The following MAP3K20 variants were observed in gnomAD, a reference collection of about 807,000 sequenced individuals.
MAP3K20 encodes mitogen-activated protein kinase kinase kinase 20, also known as HCCS-4.
In MAP3K20, 40 loss-of-function variants were observed where a neutral mutation model predicts 85.7. The ratio of observed to expected loss-of-function variants is 0.47; its 90% CI spans 0.36 to 0.61. MAP3K20 has a LOEUF of 0.61. Among genes scored for constraint, MAP3K20 ranks in the 20% least tolerant of loss-of-function variants. The probability of loss-of-function intolerance (pLI) is 0.00; values close to 1 mark genes in which losing one functional copy is unlikely to be tolerated. For missense variants in MAP3K20, 817 were observed against 961.7 expected, an observed-to-expected ratio of 0.85 and a Z score of 1.99; for synonymous variants, 325 against 327.7, an observed-to-expected ratio of 0.99 and a Z score of 0.09.
chr2:173,164,386 C>T (rs563148835), intron 2 of MAP3K20, among the ~76,000 whole-genome samples: 2 of 152,060 alleles, frequency 1.3e-5, no homozygotes, highest in African/African-American at 4.8e-5. Context: ...TGTTCTTTGC[C>T]TACTTTTTAA....
intron 11 of MAP3K20, chr2:173,226,135 TAAACACCAGCTAAGGTAGTC>T (rs1684381855): frequency 3.1e-6 from 3 of 974,608 alleles, no homozygotes; most frequent in Middle Eastern, 5.4e-4. Context: ...GTTAGACTTT[TAAACACCAGCTAAGGTAGTC>T]AAACTTGATC....
At chr2:173,091,270 G>A in intron 2 of MAP3K20, 80 bp downstream of exon 2, 1 of 1,470,548 alleles carries the variant, frequency 6.8e-7, no homozygotes. Flanking sequence ...GAGGGTCACA[G>A]GGCTGCAAGA....
At chr2:173,236,039 G>C (rs1684639989) in intron 14 of MAP3K20, among the ~76,000 whole-genome samples, 1 of 152,162 alleles carries the variant, frequency 6.6e-6, no homozygotes, top group African/African-American at 2.4e-5. Flanking sequence ...GTCAAGGTGG[G>C]CAACTCACTT....
intron 11 of MAP3K20, chr2:173,224,192 G>A: frequency 5.3e-6 from 5 of 951,990 alleles, no homozygotes; most frequent in Non-Finnish European, 6.3e-6. Context: ...GGTTTTTAAA[G>A]TGTGGTCAGG....
Position 173,217,109 on chromosome 2 carries a change from G to A in MAP3K20, c.852-6G>A, listed in dbSNP as rs754832335. On this transcript the variant is annotated splice_region_variant and splice_polypyrimidine_tract_variant and intron_variant, in intron 10 of 19. Coordinates refer to ENST00000375213, the MANE Select transcript of MAP3K20 (RefSeq NM_016653.3). Reference sequence around the variant, plus strand: ...GTTGAGACTTACACCAGCTATCCCCGTGCAGGTGCGAAATTGAGGCAACTC... The same window carrying A: ...GTTGAGACTTACACCAGCTATCCCCATGCAGGTGCGAAATTGAGGCAACTC... 24 of 1,545,654 alleles carry A rather than the reference G, an allele frequency of 1.6e-5. No homozygotes were observed. The highest frequency in any genetic ancestry group is 1.7e-5 in the Non-Finnish European group (20 of 1,144,248).
At chr2:173,221,736 T>C in intron 11 of MAP3K20, 1 of 1,276,904 alleles carries the variant, frequency 7.8e-7, no homozygotes, top group East Asian at 2.9e-5. Flanking sequence ...GCCAAAGAAG[T>C]ATATTTATGA....
chr2:173,078,491 G>A (rs1159862176), intron 1 of MAP3K20, among the ~76,000 whole-genome samples: 1 of 152,198 alleles, frequency 6.6e-6, no homozygotes, highest in African/African-American at 2.4e-5. Context: ...AGTTCCAGCT[G>A]TGACCAGAAA....
intron 16 of MAP3K20, among the ~76,000 whole-genome samples, chr2:173,250,658 A>T (rs1020731097): frequency 1.3e-5 from 2 of 152,226 alleles, no homozygotes; most frequent in African/African-American, 4.8e-5. Flanking sequence ...ATTATGTATG[A>T]TTCTTCATCA....
chr2:173,149,876 T>C (rs777006084), intron 2 of MAP3K20, among the ~76,000 whole-genome samples: 1 of 152,250 alleles, frequency 6.6e-6, no homozygotes, highest in Non-Finnish European at 1.5e-5. Context: ...TTGACTTCCA[T>C]ATTTGAATGG....
At chr2:173,133,560 CATT>C (rs1225091523) in intron 2 of MAP3K20, among the ~76,000 whole-genome samples, 1 of 152,012 alleles carries the variant, frequency 6.6e-6, no homozygotes, top group Non-Finnish European at 1.5e-5. Context: ...TGCTGTATAA[CATT>C]ATAGTATGTT....
chr2:173,238,058 G>A (rs1010503264), intron 14 of MAP3K20, among the ~76,000 whole-genome samples: 2 of 152,142 alleles, frequency 1.3e-5, no homozygotes, highest in Admixed American at 1.3e-4. Flanking sequence ...GGCTGAGATG[G>A]AAGAATCTCT....
At chr2:173,219,940 C>A (rs781526599) in intron 11 of MAP3K20, among the ~76,000 whole-genome samples, 33 of 151,830 alleles carry the variant, frequency 2.2e-4, no homozygotes, top group Non-Finnish European at 4.1e-4. Context: ...TGGTGGCGGG[C>A]GCCTGTAATC....
chr2:173,246,086 G>T (rs1684906136), intron 16 of MAP3K20, among the ~76,000 whole-genome samples: 1 of 152,108 alleles, frequency 6.6e-6, no homozygotes, highest in African/African-American at 2.4e-5. Context: ...TTTGCAAAGG[G>T]CATATTTGTG....
At chr2:173,172,827 T>C (rs1690038878) in intron 3 of MAP3K20, among the ~76,000 whole-genome samples, 1 of 150,928 alleles carries the variant, frequency 6.6e-6, no homozygotes, top group African/African-American at 2.4e-5. Flanking sequence ...TGAGACGGAG[T>C]CTTGCTGTGT....
At chr2:173,149,963 AGAT>A (rs775955698) in intron 2 of MAP3K20, among the ~76,000 whole-genome samples, 3 of 152,238 alleles carry the variant, frequency 2.0e-5, no homozygotes, top group Non-Finnish European at 2.9e-5. Flanking sequence ...GAGTGTATAG[AGAT>A]GATATGATGA....
At chr2:173,206,498 C>A (rs1202047407) in intron 9 of MAP3K20, among the ~76,000 whole-genome samples, 2 of 152,196 alleles carry the variant, frequency 1.3e-5, no homozygotes, top group African/African-American at 4.8e-5. Flanking sequence ...CCAACTCTCT[C>A]ACTGCTGATC....
intron 2 of MAP3K20, among the ~76,000 whole-genome samples, chr2:173,142,471 C>CAAA (rs546013989): frequency 1.0e-5 from 1 of 97,710 alleles, no homozygotes. Flanking sequence ...GACTCCGTCT[C>CAAA]AAAAAAAAAA....
At chr2:173,182,102 CATT>C (rs1690349020) in intron 3 of MAP3K20, among the ~76,000 whole-genome samples, 2 of 152,032 alleles carry the variant, frequency 1.3e-5, no homozygotes, top group Admixed American at 6.6e-5. Flanking sequence ...GAAATAAAGA[CATT>C]ATGCTAAGGG....
chr2:173,142,902 C>T (rs1428213823), intron 2 of MAP3K20, among the ~76,000 whole-genome samples: 2 of 152,124 alleles, frequency 1.3e-5, no homozygotes, highest in East Asian at 3.9e-4. Context: ...TGGCTCACAC[C>T]TCTAATCCCA....
Sources: gnomAD v4.1 joint callset for allele counts (sites outside exome capture counted in the v4.1 genomes callset) on GRCh38, gnomAD v4.1.1 for gene constraint, MANE v1.5 for transcripts, NCBI Gene and HGNC (gene_info 2026-07-23, HGNC 2026-07-21) for gene names.